PCSK7: variants seen among roughly 807,000 people sequenced by gnomAD.
The protein encoded by PCSK7 is lymphoma proprotein convertase.
Under a neutral mutation model 73.3 loss-of-function variants are expected in PCSK7, and 38 were observed. That is an observed-to-expected ratio of 0.52 (90% CI 0.40 to 0.68). The LOEUF is 0.68. Among genes scored for constraint, PCSK7 ranks in the 30% least tolerant of loss-of-function variants. PCSK7 has a pLI of 0.00. For missense variants in PCSK7, 692 were observed against 991.5 expected, an observed-to-expected ratio of 0.70 and a Z score of 4.06; for synonymous variants, 296 against 383.8, an observed-to-expected ratio of 0.77 and a Z score of 2.68.
intron 10 of PCSK7, 112 bp from the exon 11 acceptor site, chr11:117,219,276 T>A: frequency 1.3e-6 from 1 of 770,508 alleles, no homozygotes; most frequent in East Asian, 2.7e-5. Flanking sequence ...GCTCTCCCAC[T>A]ATGGCTACTG....
chr11:117,207,851 T>C (rs1282701445), intron 14 of PCSK7, 119 bp downstream of exon 14: 1 of 622,466 alleles, frequency 1.6e-6, no homozygotes, highest in Non-Finnish European at 2.9e-6. Context: ...TCAACTCTCT[T>C]GGTCCAATGG....
chr11:117,229,890 A>G (rs2032578442), intron 2 of PCSK7, 34 bp from the exon 3 acceptor site: 2 of 1,268,886 alleles, frequency 1.6e-6, no homozygotes. Context: ...GGAAGAGATC[A>G]AAGAGCTGGT....
At chr11:117,227,928 T>C (rs565446572) in intron 4 of PCSK7, among the ~76,000 whole-genome samples, 1 of 152,246 alleles carries the variant, frequency 6.6e-6, no homozygotes, top group South Asian at 2.1e-4. Flanking sequence ...GGCCACGCTT[T>C]AGAGAGAGGA....
In PCSK7 at chr11:117,206,291, C is replaced by T. The variant is rs757909461; in HGVS notation, c.2064G>A (p.Leu688=). 6.2e-7 allele frequency: 1 copy of T among 1,614,152 alleles called. No individual in the cohort carries two copies. The highest frequency in any genetic ancestry group is 1.7e-5 in the Admixed American group (1 of 60,008). ...GATTGGAAGCCACATTCCTCTGGCT[C>T]AAATATACTTCCAGCATGTAGTAAA... ...WTVYYMLEVY[L]SQRNVASNQV... Residue 688 remains leucine, a synonymous_variant, in exon 17 of 17, where the codon TTG becomes TTA. Coordinates refer to ENST00000320934, the MANE Select transcript of PCSK7 (RefSeq NM_004716.4).
chr11:117,212,715 CTTTT>C (rs58988485), intron 12 of PCSK7: 9 of 124,802 alleles, frequency 7.2e-5, no homozygotes, highest in Non-Finnish European at 1.0e-4. Context: ...CCGGCCTTTT[CTTTT>C]TTTTTTTTTT....
Position 117,222,795 on chromosome 11 carries a change from C to T in PCSK7, c.1155+413G>A, listed in dbSNP as rs148537493. The T allele has an allele frequency of 5.5e-3, 893 of 163,224 alleles. 19 individuals carry two copies. The highest frequency in any genetic ancestry group is 2.9e-3 in the Non-Finnish European group (218 of 75,006). 10.1% of individuals were successfully genotyped at this position (163,224 alleles called of 1,614,324 possible). A position where few individuals can be genotyped will look rare whatever the true frequency, so the allele number is the denominator to read the frequency against. ...CCAAGTAGCTGGGATTACAGATGCC[C>T]GCCACCACACCAGGCTAATTTTTGT... is the stretch of plus-strand genomic sequence containing the variant. On this transcript the variant is annotated intron_variant, in intron 9 of 16. Coordinates refer to ENST00000320934, the MANE Select transcript of PCSK7 (RefSeq NM_004716.4).
At chr11:117,217,019 C>T (rs1471246848) in intron 12 of PCSK7, 2 of 152,188 alleles carry the variant, frequency 1.3e-5, no homozygotes, top group Non-Finnish European at 2.9e-5. Flanking sequence ...TGCTGCCCTT[C>T]CAACAGGTAA....
chr11:117,206,067 T>G lies in PCSK7; in HGVS notation c.2288A>C (p.Asn763Thr), dbSNP rs762644336. 5.2e-5 allele frequency: 77 copies of G among 1,493,646 alleles called. No individual in the cohort carries two copies. The African/African-American group carries it at 8.3e-4, about 16-fold the overall frequency. The allele number at this position is 1,493,646 out of a possible 1,614,324, so 92.5% of individuals were successfully genotyped here. A position where few individuals can be genotyped will look rare whatever the true frequency, so the allele number is the denominator to read the frequency against. Reference protein sequence around the residue: ...LEQGDWSLSQNKSALDCPHQH... With the variant: ...LEQGDWSLSQTKSALDCPHQH... ...ATGAGGGCAGTCCAGGGCGCTCTTG[T>G]TCTGGGACAGGCTCCAGTCCCCTTG... The change falls in exon 17 of 17, where the codon AAC becomes ACC. Residue 763 changes from asparagine (N) to threonine (T), a missense_variant. Asn to Thr is a moderately conservative substitution (Grantham distance 65, BLOSUM62 0). Coordinates refer to ENST00000320934, the MANE Select transcript of PCSK7 (RefSeq NM_004716.4).
At chr11:117,212,898 T>G (rs2031797314) in intron 12 of PCSK7, 1 of 152,222 alleles carries the variant, frequency 6.6e-6, no homozygotes, top group African/African-American at 2.4e-5. Context: ...TATTTTTTTG[T>G]AGAGACAAGG....
intron 10 of PCSK7, 103 bp from the exon 11 acceptor site, chr11:117,219,267 C>T: frequency 1.2e-6 from 1 of 825,840 alleles, no homozygotes. Context: ...CCAGTCCACG[C>T]TCTCCCACTA....
chr11:117,213,463 A>G (rs890164866), intron 12 of PCSK7: 1 of 152,196 alleles, frequency 6.6e-6, no homozygotes, highest in African/African-American at 2.4e-5. Flanking sequence ...GAGAGGTGAT[A>G]GTGAAATCTA....
intron 4 of PCSK7, among the ~76,000 whole-genome samples, chr11:117,227,899 G>C (rs1190085316): frequency 1.3e-5 from 2 of 152,200 alleles, no homozygotes; most frequent in South Asian, 2.1e-4. Context: ...TGGAAAAAAG[G>C]CAGGTAGGGC....
Position 117,206,236 on chromosome 11 carries a change from G to T in PCSK7, c.2119C>A (p.Pro707Thr), listed in dbSNP as rs1565298920. The T allele has an allele frequency of 6.2e-7, 1 of 1,614,160 alleles. No homozygotes were observed. The highest frequency in any genetic ancestry group is 1.7e-5 in the Admixed American group (1 of 60,016). Residue 707 changes from proline to threonine, a missense_variant, in exon 17 of 17, where the codon CCC becomes ACC. Physicochemically the swap from Pro to Thr is conservative, Grantham distance 38 (BLOSUM62 -1). This residue lies in a region of PCSK7 where 78 missense variants were observed against 102.6 expected (regional missense o/e 0.76). Coordinates refer to ENST00000320934, the MANE Select transcript of PCSK7 (RefSeq NM_004716.4). ...TCCTTGGCTTTCCGGCTCCGATGGGGCCAGTGGCAGGGTCCACTCCTACAA... is the reference window on the plus strand; with the variant it reads ...TCCTTGGCTTTCCGGCTCCGATGGGTCCAGTGGCAGGGTCCACTCCTACAA... ...QVCRSGPCHW[P>T]HRSRKAKEEG... is the part of the protein sequence containing the mutation.
chr11:117,223,156 G>A lies in PCSK7; in HGVS notation c.1155+52C>T, dbSNP rs550204554. The A allele has an allele frequency of 1.6e-5, 17 of 1,030,660 alleles. No homozygotes were observed. The East Asian group carries it at 2.4e-4, about 14-fold the overall frequency. 63.8% of individuals were successfully genotyped at this position (1,030,660 alleles called of 1,614,324 possible). ...TGAGAAGCGCTGTGATGTCTGAGAC[G>A]TGAAGTCTTGTGGGAAAGGGGCAGG... On this transcript the variant is annotated intron_variant, in intron 9 of 16. Transcript: ENST00000320934.
Position 117,218,512 on chromosome 11 carries a change from G to A in PCSK7, c.1488C>T (p.Asn496=), listed in dbSNP as rs1565310475. The A allele has an allele frequency of 1.9e-6, 3 of 1,610,690 alleles. No individual in the cohort carries two copies. Among genetic ancestry groups the A allele is most frequent in the Non-Finnish European group, 1.7e-6 (2 of 1,178,374 alleles). The change falls in exon 12 of 17, where the codon AAC becomes AAT. Residue 496 remains asparagine, a synonymous_variant. Transcript: ENST00000320934. The surrounding 1 kb of genome is among the most constrained non-coding windows in gnomAD (Gnocchi z 4.0). ...AACGGGGGGACTGCGGAATCGCCTT[G>A]TTTTCTTTTAACACGGGACTGACGT... ...ASYVSPVLKE[N]KAIPQSPRSL...
chr11:117,210,713 T>C (rs1417935126), intron 12 of PCSK7: 1 of 152,186 alleles, frequency 6.6e-6, no homozygotes, highest in Non-Finnish European at 1.5e-5. Flanking sequence ...AGGCCAGGCA[T>C]GGTGGCTCAC....
chr11:117,225,002 G>A (rs1280303164), intron 6 of PCSK7: 5 of 451,216 alleles, frequency 1.1e-5, no homozygotes, highest in Non-Finnish European at 1.6e-5. Context: ...CATAGTGGCA[G>A]AGAGGGACAG....
chr11:117,210,672 T>C (rs2031690952), intron 12 of PCSK7: 1 of 152,200 alleles, frequency 6.6e-6, no homozygotes, highest in African/African-American at 2.4e-5. Flanking sequence ...CAATTCTTTT[T>C]AAAGCACCCT....
Position 117,219,096 on chromosome 11 carries a change from G to A in PCSK7, c.1392C>T (p.Phe464=), listed in dbSNP as rs1331838846. The A allele has an allele frequency of 6.8e-6, 11 of 1,610,858 alleles. No individual in the cohort carries two copies. Among genetic ancestry groups the A allele is most frequent in the South Asian group, 4.4e-5 (4 of 91,050 alleles). The change falls in exon 11 of 17, where the codon TTC becomes TTT. Residue 464 remains phenylalanine (F), a synonymous_variant. Coordinates refer to ENST00000320934, the MANE Select transcript of PCSK7 (RefSeq NM_004716.4). The stretch of plus-strand genomic sequence containing the variant: ...CGAGCCTCCAGGCGTTGAGGAGGCC[G>A]AAACCGTGCTGGTGGCTATGGCTGA... ...AGFSHSHQHG[F]GLLNAWRLVN...
Sources: gnomAD v4.1 joint callset for allele counts (sites outside exome capture counted in the v4.1 genomes callset) on GRCh38, gnomAD v4.1.1 for gene constraint, gnomAD v4.1.1 regional missense constraint, Gnocchi (gnomAD v3.1) non-coding constraint, MANE v1.5 for transcripts, NCBI Gene and HGNC (gene_info 2026-07-23, HGNC 2026-07-21) for gene names.